The following GRB14 variants were observed in gnomAD, a reference collection of about 807,000 sequenced individuals.
GRB14 encodes the protein growth factor receptor-bound protein 14.
GRB14 carries 38 observed loss-of-function variants against 69.1 expected under a neutral mutation model. That is an observed-to-expected ratio of 0.55 (90% confidence interval 0.42 to 0.72). The LOEUF is 0.72. Ranked by LOEUF, GRB14 falls within the 30% of genes least tolerant of loss-of-function variation. GRB14 has a pLI of 0.00. For missense variants in GRB14, 666 were observed against 666.1 expected (o/e 1.00, Z 0.00); for synonymous variants, 247 against 241.3 (o/e 1.02, Z -0.22).
intron 2 of GRB14, among the ~76,000 whole-genome samples, chr2:164,590,314 A>C (rs149310557): frequency 7.0e-4 from 107 of 152,322 alleles, no homozygotes; most frequent in African/African-American, 2.5e-3. Context: ...CTGTCAAGGA[A>C]TTAAGACCAG....
At chr2:164,514,328 G>A (rs899936953) in intron 6 of GRB14, among the ~76,000 whole-genome samples, 1 of 152,136 alleles carries the variant, frequency 6.6e-6, no homozygotes, top group Non-Finnish European at 1.5e-5. Flanking sequence ...ACCCTTTGAA[G>A]GAAATGAATT....
Position 164,508,484 on chromosome 2 carries a change from A to G in GRB14, c.994T>C (p.Cys332Arg). 6.2e-7 allele frequency: 1 copy of G among 1,614,118 alleles called. No individual in the cohort carries two copies. The highest frequency in any genetic ancestry group is 8.5e-7 in the Non-Finnish European group (1 of 1,180,000). ...AGCAATCTAATCGCGGTCACCCAGC[A>G]CGTCCTACTCTGCTCTTCTTCTGCA... ...LCAEEEQSRT[C>R]WVTAIRLLKY... is the part of the protein sequence containing the mutation. Residue 332 changes from cysteine to arginine, a missense_variant, in exon 8 of 14, where the codon TGC becomes CGC. By Grantham distance (180) the Cys-to-Arg change is radical (BLOSUM62 -3). Transcript: ENST00000263915.
intron 6 of GRB14, among the ~76,000 whole-genome samples, chr2:164,510,408 G>C (rs1458833953): frequency 6.6e-6 from 1 of 152,138 alleles, no homozygotes; most frequent in Non-Finnish European, 1.5e-5. Context: ...TACGGACATG[G>C]GGAGGTGGAG....
chr2:164,555,937 A>C (rs899862209), intron 2 of GRB14, among the ~76,000 whole-genome samples: 3 of 146,082 alleles, frequency 2.1e-5, no homozygotes, highest in Admixed American at 6.7e-5. Context: ...TTTTTAATAG[A>C]TAGGCAATGT....
chr2:164,577,614 T>C (rs1689284176), intron 2 of GRB14, among the ~76,000 whole-genome samples: 1 of 152,200 alleles, frequency 6.6e-6, no homozygotes, highest in Non-Finnish European at 1.5e-5. Flanking sequence ...ATCAAACCTC[T>C]TTTCTTTATA....
At chr2:164,508,698 GC>G in intron 7 of GRB14, 43 bp downstream of exon 7, 15 of 1,488,224 alleles carry the variant, frequency 1.0e-5, no homozygotes, top group Non-Finnish European at 1.4e-5. Flanking sequence ...TACCTAAAAG[GC>G]TGAGGCTTGC....
chr2:164,545,189 A>G (rs1439782545), intron 3 of GRB14, among the ~76,000 whole-genome samples: 1 of 152,220 alleles, frequency 6.6e-6, no homozygotes, highest in African/African-American at 2.4e-5. Context: ...TAAATTATTT[A>G]AAATGATTTT....
intron 4 of GRB14, among the ~76,000 whole-genome samples, chr2:164,525,618 C>T (rs1206678006): frequency 6.6e-6 from 1 of 152,008 alleles, no homozygotes; most frequent in Non-Finnish European, 1.5e-5. Context: ...ATTCCCAGGC[C>T]TCATTCCTGG....
intron 6 of GRB14, among the ~76,000 whole-genome samples, chr2:164,518,087 G>A (rs1687541903): frequency 6.6e-6 from 1 of 152,108 alleles, no homozygotes; most frequent in Admixed American, 6.5e-5. Context: ...TCAGCACACA[G>A]AACATTCTCC....
intron 2 of GRB14, among the ~76,000 whole-genome samples, chr2:164,605,525 A>G (rs1690022992): frequency 6.6e-6 from 1 of 152,196 alleles, no homozygotes; most frequent in Non-Finnish European, 1.5e-5. Context: ...TAAAATGAAA[A>G]CAAGAAGTTC....
intron 2 of GRB14, among the ~76,000 whole-genome samples, chr2:164,579,229 A>T (rs1262904178): frequency 1.3e-5 from 2 of 152,186 alleles, no homozygotes; most frequent in East Asian, 3.8e-4. Flanking sequence ...TAAAATACAT[A>T]AGTTAAGGTC....
intron 6 of GRB14, among the ~76,000 whole-genome samples, chr2:164,518,322 A>G (rs1024801818): frequency 6.6e-6 from 1 of 152,148 alleles, no homozygotes; most frequent in Non-Finnish European, 1.5e-5. Context: ...TGAACTGAAC[A>G]ATGATAGTGA....
At chr2:164,619,144 T>C (rs1690379734) in intron 2 of GRB14, among the ~76,000 whole-genome samples, 1 of 152,244 alleles carries the variant, frequency 6.6e-6, no homozygotes, top group African/African-American at 2.4e-5. Flanking sequence ...ACGAGTCATC[T>C]ATCTTCTGCA....
At chr2:164,590,648 G>C (rs1291625130) in intron 2 of GRB14, among the ~76,000 whole-genome samples, 3 of 152,090 alleles carry the variant, frequency 2.0e-5, no homozygotes, top group African/African-American at 7.2e-5. Context: ...CCTGACACTG[G>C]AGGAATTCTA....
chr2:164,573,742 T>G (rs983156422), intron 2 of GRB14: 1 of 1,607,392 alleles, frequency 6.2e-7, no homozygotes, highest in African/African-American at 1.3e-5. Context: ...TCAATATTCA[T>G]GCCCGTCTCT....
Position 164,497,067 on chromosome 2 carries a change from G to A in GRB14, c.1323C>T (p.His441=). 6.2e-7 allele frequency: 1 copy of A among 1,613,908 alleles called. No homozygotes were observed. The highest frequency in any genetic ancestry group is 1.1e-5 in the South Asian group (1 of 91,068). Residue 441 remains histidine (H), a synonymous_variant, in exon 12 of 14, where the codon CAC becomes CAT. Coordinates refer to ENST00000263915, the MANE Select transcript of GRB14 (RefSeq NM_004490.3). The part of the protein sequence containing the change: ...MAIHRSQPWF[H]HKISRDEAQR... ...GAGCCTCATCTCTAGAAATTTTGTG[G>A]TGAAACCATGGCTGGGACCGGTGGA...
At chr2:164,544,871 A>G (rs976261722) in intron 3 of GRB14, among the ~76,000 whole-genome samples, 4 of 152,222 alleles carry the variant, frequency 2.6e-5, no homozygotes, top group Non-Finnish European at 5.9e-5. Flanking sequence ...CATTTTCTAA[A>G]TGGTTCAGGG....
intron 6 of GRB14, among the ~76,000 whole-genome samples, chr2:164,511,892 A>T (rs1026066462): frequency 3.9e-5 from 6 of 152,116 alleles, no homozygotes; most frequent in African/African-American, 1.4e-4. Flanking sequence ...TCTGAGTCAG[A>T]GGGGAGTCCA....
chr2:164,596,342 T>A (rs1440604739), intron 2 of GRB14, among the ~76,000 whole-genome samples: 1 of 152,216 alleles, frequency 6.6e-6, no homozygotes, highest in African/African-American at 2.4e-5. Flanking sequence ...GGTTGTTTTG[T>A]CTTTTGAAAT....
Sources: gnomAD v4.1 joint callset for allele counts (sites outside exome capture counted in the v4.1 genomes callset) on GRCh38, gnomAD v4.1.1 for gene constraint, MANE v1.5 for transcripts, NCBI Gene and HGNC (gene_info 2026-07-23, HGNC 2026-07-21) for gene names.